DENND1B: variants seen among roughly 807,000 people sequenced by gnomAD.
DENND1B encodes the protein DENN domain containing 1B, also known as DENN domain-containing protein 1B.
A neutral mutation model predicts 90.1 loss-of-function variants in DENND1B; 59 were observed. That is an observed-to-expected ratio of 0.65 (90% confidence interval 0.53 to 0.81). DENND1B has a LOEUF of 0.81. Ranked by LOEUF, DENND1B falls within the 40% of genes least tolerant of loss-of-function variation. The pLI is 0.00. For missense variants in DENND1B, 862 were observed against 912.6 expected, an observed-to-expected ratio of 0.94 and a Z score of 0.71; for synonymous variants, 337 against 324.6, an observed-to-expected ratio of 1.04 and a Z score of -0.41.
chr1:197,726,248 T>A (rs987314241), intron 2 of DENND1B, among the ~76,000 whole-genome samples: 1 of 152,144 alleles, frequency 6.6e-6, no homozygotes, highest in South Asian at 2.1e-4. Flanking sequence ...CTTGCTGGCA[T>A]GTAAATACTC....
intron 10 of DENND1B, among the ~76,000 whole-genome samples, chr1:197,628,695 G>A (rs999775891): frequency 6.6e-6 from 1 of 151,988 alleles, no homozygotes; most frequent in African/African-American, 2.4e-5. Context: ...TTAAACTAAA[G>A]AGCTTCTGCA....
rs1657201879 is a variant in DENND1B, at chr1:197,775,450, G to A, written c.-295C>T. On this transcript the variant is annotated 5_prime_UTR_variant, in exon 1 of 23. Transcript: ENST00000620048. Reference sequence around the variant, plus strand: ...AGGCCTCTCAGTTCCTGCGACCGGGGCCGCCCGCTGCGGCTCCTGCACCTT... The same window carrying A: ...AGGCCTCTCAGTTCCTGCGACCGGGACCGCCCGCTGCGGCTCCTGCACCTT... 7.2e-6 allele frequency: 2 copies of A among 277,070 alleles called. No individual in the cohort carries two copies. The highest frequency in any genetic ancestry group is 6.1e-5 in the East Asian group (1 of 16,470). 17.2% of individuals were successfully genotyped at this position (277,070 alleles called of 1,614,324 possible).
Position 197,595,269 on chromosome 1 carries a change from G to A in DENND1B, c.986C>T (p.Ala329Val), listed in dbSNP as rs548067287. ...STATGDGVAR[A>V]FLRAQAALFG... ...CAAAGCAGCCTGTGCTCTAAGAAAG[G>A]CCCTAGCTACTCCATCACCCGTAGC... Residue 329 changes from alanine to valine, a missense_variant, in exon 14 of 23, where the codon GCC (alanine) becomes GTC (valine). Ala to Val is a moderately conservative substitution (Grantham distance 64, BLOSUM62 0). Coordinates refer to ENST00000620048, the MANE Select transcript of DENND1B (RefSeq NM_001195215.2). The A allele has an allele frequency of 3.7e-5, 59 of 1,613,352 alleles. 1 individual carries two copies. The South Asian group carries it at 5.7e-4, about 16-fold the overall frequency.
At chr1:197,770,219 G>T (rs1415638879) in intron 2 of DENND1B, among the ~76,000 whole-genome samples, 1 of 152,088 alleles carries the variant, frequency 6.6e-6, no homozygotes, top group East Asian at 1.9e-4. Context: ...CTACAAAGAA[G>T]CCAACATTAT....
At chr1:197,590,389 A>G (rs1341772749) in intron 14 of DENND1B, among the ~76,000 whole-genome samples, 2 of 152,164 alleles carry the variant, frequency 1.3e-5, no homozygotes, top group Non-Finnish European at 2.9e-5. Context: ...CATTTAGTAC[A>G]TTAATTTTAT....
chr1:197,597,087 C>T (rs989663818), intron 13 of DENND1B, among the ~76,000 whole-genome samples: 6 of 151,840 alleles, frequency 4.0e-5, no homozygotes, highest in Non-Finnish European at 8.8e-5. Context: ...AATTGAGAGC[C>T]TAATTCATTT....
intron 10 of DENND1B, among the ~76,000 whole-genome samples, chr1:197,629,118 G>A (rs1301523933): frequency 2.6e-5 from 4 of 152,122 alleles, no homozygotes; most frequent in Admixed American, 2.6e-4. Context: ...AGTCAGTGTG[G>A]CGATTCCTCA....
At chr1:197,686,271 A>G (rs965838548) in intron 3 of DENND1B, among the ~76,000 whole-genome samples, 12 of 152,354 alleles carry the variant, frequency 7.9e-5, no homozygotes, top group African/African-American at 2.6e-4. Context: ...ACGGAAATAT[A>G]TCATAAATAA....
chr1:197,707,323 G>C (rs116296418), intron 3 of DENND1B, among the ~76,000 whole-genome samples: 1 of 152,132 alleles, frequency 6.6e-6, no homozygotes, highest in South Asian at 2.1e-4. Context: ...CAGCTAGATA[G>C]ATAGGAGGAA....
chr1:197,643,845 T>C (rs1389978063), intron 9 of DENND1B, among the ~76,000 whole-genome samples: 1 of 152,236 alleles, frequency 6.6e-6, no homozygotes, highest in East Asian at 1.9e-4. Context: ...ATTATTTATT[T>C]TTAATTTTCT....
chr1:197,670,483 G>GTGTA (rs1431618052), intron 5 of DENND1B, among the ~76,000 whole-genome samples: 1 of 150,550 alleles, frequency 6.6e-6, no homozygotes, highest in Non-Finnish European at 1.5e-5. Flanking sequence ...GTGTGTGTGT[G>GTGTA]TATTGAGAGA....
chr1:197,668,730 G>T (rs1572256848), intron 5 of DENND1B, among the ~76,000 whole-genome samples: 2 of 151,634 alleles, frequency 1.3e-5, no homozygotes, highest in African/African-American at 4.8e-5. Context: ...AAATACCTTT[G>T]TTCATACTTT....
At chr1:197,661,735 C>G (rs1391846963) in intron 5 of DENND1B, among the ~76,000 whole-genome samples, 1 of 151,968 alleles carries the variant, frequency 6.6e-6, no homozygotes, top group African/African-American at 2.4e-5. Context: ...GTTTTTCATT[C>G]TAGACCAAAA....
intron 15 of DENND1B, among the ~76,000 whole-genome samples, chr1:197,579,677 T>G (rs1404275144): frequency 6.6e-6 from 1 of 152,202 alleles, no homozygotes; most frequent in Non-Finnish European, 1.5e-5. Flanking sequence ...TAGTCTACCC[T>G]CTATGTCTAT....
At chr1:197,618,622 C>A (rs1364233076) in intron 10 of DENND1B, among the ~76,000 whole-genome samples, 3 of 151,064 alleles carry the variant, frequency 2.0e-5, no homozygotes, top group African/African-American at 7.3e-5. Flanking sequence ...ATGTGACTTT[C>A]TTTCCATTTT....
chr1:197,715,039 C>T lies in DENND1B; in HGVS notation c.118G>A (p.Gly40Arg), dbSNP rs1660511720. 2 of 1,610,952 alleles carry T rather than the reference C, an allele frequency of 1.2e-6. No homozygotes were observed. Among genetic ancestry groups the T allele is most frequent in the East Asian group, 2.2e-5 (1 of 44,692 alleles). Residue 40 changes from glycine to arginine, a missense_variant, in exon 3 of 23, where the codon GGA (glycine) becomes AGA (arginine). By Grantham distance (125) the Gly-to-Arg change is moderately radical. Transcript: ENST00000620048. ...VVLWKFPEDF[G>R]DQEILQSVPK... ...AATTATGTGGTACCAACCTGGTCTC[C>T]AAAGTCCTCTGGGAATTTCCACAAT... is the stretch of plus-strand genomic sequence containing the variant.
At chr1:197,516,547 G>A (rs1668410624) in intron 20 of DENND1B, among the ~76,000 whole-genome samples, 2 of 151,682 alleles carry the variant, frequency 1.3e-5, no homozygotes, top group South Asian at 2.1e-4. Context: ...GGTGGGTTGC[G>A]ACTCTGAAGC....
Position 197,510,453 on chromosome 1 carries a change from G to C in DENND1B, c.*7C>G, listed in dbSNP as rs774855452. On this transcript the variant is annotated 3_prime_UTR_variant, in exon 23 of 23. Transcript: ENST00000620048. ...AAAATGTCTCCATAGAAGCTTGGAT[G>C]CAAGATTTAAGTTTGGTTTCCATTT... 3 of 1,592,814 alleles carry C rather than the reference G, an allele frequency of 1.9e-6. No individual in the cohort carries two copies. The South Asian group carries it at 3.4e-5, about 18-fold the overall frequency.
At chr1:197,556,890 T>C (rs1671764389) in intron 15 of DENND1B, among the ~76,000 whole-genome samples, 1 of 151,990 alleles carries the variant, frequency 6.6e-6, no homozygotes, top group South Asian at 2.1e-4. Flanking sequence ...GAAGGATCAC[T>C]GTCTTTCACA....
Sources: allele counts gnomAD v4.1 joint callset (sites outside exome capture counted in the v4.1 genomes callset), GRCh38; gene constraint gnomAD v4.1.1; transcripts MANE v1.5; gene names NCBI Gene and HGNC (gene_info 2026-07-23, HGNC 2026-07-21).